Variants in DIP2C observed in about 807,000 individuals in gnomAD.
DIP2C encodes the protein DIP2 acetate--CoA ligase C (putative), also known as disco-interacting protein 2 homolog C.
DIP2C carries 33 observed loss-of-function variants against 192.4 expected under a neutral mutation model. The ratio of observed to expected loss-of-function variants is 0.17; its 90% CI spans 0.13 to 0.23. DIP2C has a LOEUF of 0.23. DIP2C is among the 10% of genes least tolerant of loss of function. The probability of loss-of-function intolerance (pLI) is 1.00; values close to 1 mark genes in which losing one functional copy is unlikely to be tolerated. For synonymous variants in DIP2C, 979 were observed against 864.1 expected (o/e 1.13, Z -2.33); for missense variants, 1,537 against 2,110.1 (o/e 0.73, Z 5.32).
At chr10:414,743 A>AGTGTGTGTGTGTGTG (rs1564680031) in intron 7 of DIP2C, among the ~76,000 whole-genome samples, 2 of 64,424 alleles carry the variant, frequency 3.1e-5, no homozygotes, top group African/African-American at 1.2e-4. Context: ...GTGTGTGTAC[A>AGTGTGTGTGTGTGTG]TATATATATA....
At chr10:417,704 CGGCTCAAAT>C (rs1965777595) in intron 6 of DIP2C, among the ~76,000 whole-genome samples, 1 of 111,266 alleles carries the variant, frequency 9.0e-6, no homozygotes, top group Non-Finnish European at 1.9e-5. Context: ...CTGTGCCTGT[CGGCTCAAAT>C]AGGCCTCCCT....
intron 3 of DIP2C, among the ~76,000 whole-genome samples, chr10:441,698 T>G (rs1481884832): frequency 6.6e-6 from 1 of 152,228 alleles, no homozygotes. Flanking sequence ...TCCCCAGCCA[T>G]GCGGAACTGC....
At chr10:347,521 C>G (rs1298560910) in intron 26 of DIP2C, among the ~76,000 whole-genome samples, 1 of 113,346 alleles carries the variant, frequency 8.8e-6, no homozygotes, top group East Asian at 3.0e-4. Flanking sequence ...CCCGGAAACC[C>G]CACACGCACC....
chr10:462,888 T>TCA (rs1251512901), intron 3 of DIP2C, among the ~76,000 whole-genome samples: 1 of 152,126 alleles, frequency 6.6e-6, no homozygotes, highest in African/African-American at 2.4e-5. Flanking sequence ...ATGTAATCCA[T>TCA]CACATCAACA....
chr10:362,563 CAG>C lies in DIP2C; in HGVS notation c.2719_2720del (p.Leu907AlafsTer18). 1 of 1,614,124 alleles carries C rather than the reference CAG, an allele frequency of 6.2e-7. No individual in the cohort carries two copies. The part of the protein sequence containing the change: ...ETKQLFLEGS[L>X]HPCNVLMCPH... The stretch of plus-strand genomic sequence containing the variant: ...GGCACATTAGGACATTGCAGGGGTG[CAG>C]AGAGCCCTCCAGAAAAAGCTGTTTT... On this transcript the variant is annotated frameshift_variant, in exon 22 of 37. Coordinates refer to ENST00000280886, the MANE Select transcript of DIP2C (RefSeq NM_014974.3). LOFTEE classifies it high-confidence loss of function.
At chr10:447,616 T>C (rs1213515154) in intron 3 of DIP2C, among the ~76,000 whole-genome samples, 96 of 83,996 alleles carry the variant, frequency 1.1e-3, no homozygotes, top group African/African-American at 1.8e-3. Context: ...GACCCACTCA[T>C]CCCTGTCTAT....
intron 3 of DIP2C, among the ~76,000 whole-genome samples, chr10:457,033 T>C (rs144157704): frequency 6.6e-5 from 10 of 152,304 alleles, no homozygotes; most frequent in Non-Finnish European, 7.4e-5. Flanking sequence ...AGATTTTCCA[T>C]CTCTCTGCTC....
At chr10:688,689 A>T (rs2119122100) in intron 1 of DIP2C, among the ~76,000 whole-genome samples, 1 of 152,266 alleles carries the variant, frequency 6.6e-6, no homozygotes, top group African/African-American at 2.4e-5. Context: ...GCAAAGCCCG[A>T]TCTGAAACTT....
chr10:398,282 A>C (rs755929149), intron 10 of DIP2C, among the ~76,000 whole-genome samples: 7 of 152,054 alleles, frequency 4.6e-5, no homozygotes, highest in Non-Finnish European at 1.0e-4. Context: ...CCACATAATA[A>C]AATCCTTGGT....
Position 306,642 on chromosome 10 carries a change from C to G in DIP2C, c.3986+3389G>C, listed in dbSNP as rs531416931. Among the ~76,000 whole-genome samples, 40 of 152,348 alleles carry G rather than the reference C, an allele frequency of 2.6e-4. 1 individual carries two copies. The South Asian group carries it at 5.4e-3, about 21-fold the overall frequency. On this transcript the variant is annotated intron_variant, in intron 32 of 36. Transcript: ENST00000280886. The stretch of plus-strand genomic sequence containing the variant: ...TAACAAGAAAGAAATAAGATCAGTG[C>G]TTTTAGTGGCTCTCATTTCACTGCC...
intron 1 of DIP2C, among the ~76,000 whole-genome samples, chr10:528,120 C>A (rs943369269): frequency 6.6e-6 from 1 of 152,132 alleles, no homozygotes; most frequent in Admixed American, 6.5e-5. Flanking sequence ...CCTGGAACAT[C>A]CCCCCTGAAG....
At chr10:564,005 T>G (rs816623) in intron 1 of DIP2C, among the ~76,000 whole-genome samples, 2 of 152,224 alleles carry the variant, frequency 1.3e-5, no homozygotes, top group South Asian at 2.1e-4. Flanking sequence ...GATCAATTAT[T>G]TGAGAGAAGA....
At position 689,423 on chromosome 10, in the gene DIP2C, C is replaced by G. The variant is rs1002613300; in HGVS notation, c.85+71G>C. ...GGCCCCCGCCCCGCCGCAGGCCCCG[C>G]GCCCCCAGCCCTCCGCGCGCGGCCC... On this transcript the variant is annotated intron_variant, in intron 1 of 36. Transcript: ENST00000280886. This position sits in a 1 kb window ranked among gnomAD's most constrained non-coding sequence, Gnocchi z 6.1. 2.2e-6 allele frequency: 2 copies of G among 925,310 alleles called. No individual in the cohort carries two copies. Among genetic ancestry groups the G allele is most frequent in the Non-Finnish European group, 2.6e-6 (2 of 769,526 alleles). The allele number at this position is 925,310 out of a possible 1,614,324, so 57.3% of individuals were successfully genotyped here.
At chr10:534,386 C>A (rs1173610107) in intron 1 of DIP2C, among the ~76,000 whole-genome samples, 1 of 152,214 alleles carries the variant, frequency 6.6e-6, no homozygotes, top group Non-Finnish European at 1.5e-5. Context: ...TGGGTCCCTG[C>A]TAGTCACAGA....
At chr10:447,220 C>A (rs1375302949) in intron 3 of DIP2C, among the ~76,000 whole-genome samples, 4 of 150,192 alleles carry the variant, frequency 2.7e-5, no homozygotes, top group Non-Finnish European at 5.9e-5. Context: ...CCCACTCATC[C>A]CCATCTATAC....
chr10:650,923 G>A, intron 1 of DIP2C: 1 of 717,466 alleles, frequency 1.4e-6, no homozygotes, highest in Non-Finnish European at 2.6e-6. Flanking sequence ...GTGTGTCCAT[G>A]CAGGACCCCG....
In DIP2C at chr10:574,378, A is replaced by G. The variant is rs148417002; in HGVS notation, c.86-87848T>C. The stretch of plus-strand genomic sequence containing the variant: ...ATTCCATTATTTTACATAAATACAA[A>G]TGATAAAGTAGAATATGCTTTGGAA... On this transcript the variant is annotated intron_variant, in intron 1 of 36. Transcript: ENST00000280886. Among the ~76,000 whole-genome samples the G allele has an allele frequency of 1.3e-3, 194 of 152,358 alleles. 2 individuals are homozygous for G. Among genetic ancestry groups the G allele is most frequent in the African/African-American group, 4.3e-3 (177 of 41,582 alleles).
chr10:564,853 T>C (rs1849379567), intron 1 of DIP2C, among the ~76,000 whole-genome samples: 1 of 152,148 alleles, frequency 6.6e-6, no homozygotes, highest in African/African-American at 2.4e-5. Flanking sequence ...ACAACAAATA[T>C]GTTCCCAACC....
Position 363,395 on chromosome 10 carries a change from CACTAGTGAGTG to C in DIP2C, c.2478-95_2478-85del. ...CCGCCATCAGGGGCTCCATAACCAT[CACTAGTGAGTG>C]ACACAGCTCCAACTACGACTTCAAA... On this transcript the variant is annotated intron_variant, in intron 20 of 36. Transcript: ENST00000280886. This position sits in a 1 kb window ranked among gnomAD's most constrained non-coding sequence, Gnocchi z 5.4. The C allele has an allele frequency of 8.6e-7, 1 of 1,168,240 alleles. No homozygotes were observed. Among genetic ancestry groups the C allele is most frequent in the Non-Finnish European group, 1.2e-6 (1 of 803,824 alleles). The allele number at this position is 1,168,240 out of a possible 1,614,324, so 72.4% of individuals were successfully genotyped here.
Sources: gnomAD v4.1 joint callset for allele counts (sites outside exome capture counted in the v4.1 genomes callset) on GRCh38, gnomAD v4.1.1 for gene constraint, Gnocchi (gnomAD v3.1) non-coding constraint, MANE v1.5 for transcripts, NCBI Gene and HGNC (gene_info 2026-07-23, HGNC 2026-07-21) for gene names.